NSL1: variants seen among roughly 807,000 people sequenced by gnomAD.
The protein encoded by NSL1 is kinetochore-associated protein NSL1 homolog.
NSL1 carries 11 observed loss-of-function variants against 25.4 expected under a neutral mutation model. The ratio of observed to expected loss-of-function variants is 0.43; its 90% CI spans 0.27 to 0.72. The LOEUF is 0.72. Ranked by LOEUF, NSL1 falls within the 30% of genes least tolerant of loss-of-function variation. The pLI, the probability that NSL1 is intolerant of heterozygous loss-of-function variation, is 0.19. For missense variants in NSL1, 330 were observed against 342.7 expected, an observed-to-expected ratio of 0.96 and a Z score of 0.29; for synonymous variants, 118 against 120.6, an observed-to-expected ratio of 0.98 and a Z score of 0.14.
chr1:212,726,918 A>G lies in NSL1; in HGVS notation c.*11490T>C. 4.5e-6 allele frequency: 2 copies of G among 441,440 alleles called. No homozygotes were observed. Among genetic ancestry groups the G allele is most frequent in the Non-Finnish European group, 7.9e-6 (2 of 251,724 alleles). The allele number at this position is 441,440 out of a possible 1,614,324, so 27.3% of individuals were successfully genotyped here. A position where few individuals can be genotyped will look rare whatever the true frequency, so the allele number is the denominator to read the frequency against. ...CCCTCCCTCTGATGGACACCAGCACAGCACGGACTTTCCCGTCCTGTCTCT... is the reference window on the plus strand; with the variant it reads ...CCCTCCCTCTGATGGACACCAGCACGGCACGGACTTTCCCGTCCTGTCTCT... On this transcript the variant is annotated 3_prime_UTR_variant, in exon 6 of 6. Coordinates refer to ENST00000366977, the MANE Select transcript of NSL1 (RefSeq NM_015471.4).
At position 212,784,588 on chromosome 1, in the gene NSL1, C is replaced by T. The variant is rs1660863893; in HGVS notation, c.314-95G>A. ...TGTGCTATAAACTAAATTTAGAAAACACAAAATAATGAAGGAAAACAAATA... is the reference window on the plus strand; with the variant it reads ...TGTGCTATAAACTAAATTTAGAAAATACAAAATAATGAAGGAAAACAAATA... On this transcript the variant is annotated intron_variant, in intron 2 of 5. Transcript: ENST00000366977. The T allele has an allele frequency of 5.7e-6, 4 of 698,356 alleles. No individual in the cohort carries two copies. The East Asian group carries it at 1.2e-4, about 22-fold the overall frequency. The allele number at this position is 698,356 out of a possible 1,614,324, so 43.3% of individuals were successfully genotyped here. A position where few individuals can be genotyped will look rare whatever the true frequency, so the allele number is the denominator to read the frequency against.
chr1:212,770,810 TG>T (rs1660070210), intron 4 of NSL1, among the ~76,000 whole-genome samples: 1 of 151,988 alleles, frequency 6.6e-6, no homozygotes, highest in Non-Finnish European at 1.5e-5. Context: ...ACTAGCAAAC[TG>T]AATTGAACAA....
chr1:212,790,937 A>T (rs1661205008), intron 1 of NSL1, among the ~76,000 whole-genome samples: 1 of 146,484 alleles, frequency 6.8e-6, no homozygotes, highest in Non-Finnish European at 1.5e-5. Context: ...AAAAAAAATA[A>T]AATAAAATAA....
In NSL1 at chr1:212,738,522, T is replaced by G. The variant is rs1371415515; in HGVS notation, c.732A>C (p.Thr244=). The G allele has an allele frequency of 1.2e-6, 2 of 1,614,202 alleles. No homozygotes were observed. Among genetic ancestry groups the G allele is most frequent in the South Asian group, 2.2e-5 (2 of 91,088 alleles). Reference sequence around the variant, plus strand: ...CAGAGGTTTTCCTGGAAGCAGTCTCTGTTGGTGTGGTTTCTATCTGTGTTA... The same window carrying G: ...CAGAGGTTTTCCTGGAAGCAGTCTCGGTTGGTGTGGTTTCTATCTGTGTTA... ...NFITQIETTP[T]ETASRKTSDM... is the part of the protein sequence containing the mutation. The change falls in exon 6 of 6, where the codon ACA becomes ACC. Residue 244 remains threonine (T), a synonymous_variant. Transcript: ENST00000366977.
chr1:212,738,565 G>C lies in NSL1; in HGVS notation c.689C>G (p.Ala230Gly). The C allele has an allele frequency of 6.2e-7, 1 of 1,614,116 alleles. No homozygotes were observed. The highest frequency in any genetic ancestry group is 8.5e-7 in the Non-Finnish European group (1 of 1,180,002). Reference sequence around the variant, plus strand: ...CTGTGTTATAAAGTTCTCAGGTTTAGCATCTGGTTTCCTATGACAACTGGA... The same window carrying C: ...CTGTGTTATAAAGTTCTCAGGTTTACCATCTGGTTTCCTATGACAACTGGA... Reference protein sequence around the residue: ...VFSSCHRKPDAKPENFITQIE... With the variant: ...VFSSCHRKPDGKPENFITQIE... Residue 230 changes from alanine (A) to glycine (G), a missense_variant, in exon 6 of 6, where the codon GCT (alanine) becomes GGT (glycine). Transcript: ENST00000366977.
At chr1:212,779,833 G>C (rs1270676808) in intron 4 of NSL1, among the ~76,000 whole-genome samples, 1 of 136,060 alleles carries the variant, frequency 7.3e-6, no homozygotes, top group African/African-American at 2.6e-5. Context: ...AGGGAGGTGG[G>C]GGGGTCAGCC....
chr1:212,787,250 T>G (rs1336646951), intron 2 of NSL1, among the ~76,000 whole-genome samples: 2 of 152,194 alleles, frequency 1.3e-5, no homozygotes, highest in African/African-American at 4.8e-5. Flanking sequence ...TAATAATAAC[T>G]TCACACTTTT....
intron 5 of NSL1, among the ~76,000 whole-genome samples, chr1:212,738,907 C>T (rs898348982): frequency 6.6e-6 from 1 of 152,016 alleles, no homozygotes; most frequent in Admixed American, 6.6e-5. Context: ...GGACTACAGG[C>T]GCGCACCACC....
At chr1:212,773,492 AC>A (rs1660218801) in intron 4 of NSL1, among the ~76,000 whole-genome samples, 1 of 152,216 alleles carries the variant, frequency 6.6e-6, no homozygotes, top group Non-Finnish European at 1.5e-5. Context: ...TTATCAACTT[AC>A]CCCAGTTAAG....
intron 4 of NSL1, among the ~76,000 whole-genome samples, chr1:212,764,802 C>A (rs1025442746): frequency 7.5e-5 from 9 of 119,714 alleles, no homozygotes; most frequent in Non-Finnish European, 1.4e-4. Flanking sequence ...GCCAAGATCA[C>A]ACCACTGCAC....
rs1036508953 is a variant in NSL1, at chr1:212,733,259, C to T, written c.*5149G>A. 2.6e-5 allele frequency among the ~76,000 whole-genome samples: 4 copies of T among 152,016 alleles called. No homozygotes were observed. Among genetic ancestry groups the T allele is most frequent in the Admixed American group, 2.6e-4 (4 of 15,254 alleles). ...TTGAGACCAGCCACATAGCGAAACT[C>T]CGTCTCTACAAAAAATACAAAAATT... On this transcript the variant is annotated 3_prime_UTR_variant, in exon 6 of 6. Coordinates refer to ENST00000366977, the MANE Select transcript of NSL1 (RefSeq NM_015471.4).
At chr1:212,743,454 C>T (rs1447443347) in intron 4 of NSL1, among the ~76,000 whole-genome samples, 7 of 149,274 alleles carry the variant, frequency 4.7e-5, no homozygotes, top group Non-Finnish European at 4.5e-5. Flanking sequence ...TGAACCACAG[C>T]GCCTGGCTTA....
chr1:212,785,956 T>C (rs1275318034), intron 2 of NSL1, among the ~76,000 whole-genome samples: 1 of 152,218 alleles, frequency 6.6e-6, no homozygotes, highest in Admixed American at 6.5e-5. Context: ...AGTCTTTCAT[T>C]CATGTCACAA....
intron 2 of NSL1, among the ~76,000 whole-genome samples, chr1:212,785,964 C>G (rs1294421581): frequency 6.6e-6 from 1 of 152,178 alleles, no homozygotes; most frequent in Admixed American, 6.5e-5. Context: ...ATTCATGTCA[C>G]AAATATTAAT....
rs1017487147 is a variant in NSL1 at position 212,730,133 on chromosome 1, C to T, written c.*8275G>A. ...AGCATGGTAGCACGCGCCTGTAATC[C>T]CAGCTACTCGGGAGGCTAAGGCATG... On this transcript the variant is annotated 3_prime_UTR_variant, in exon 6 of 6. Coordinates refer to ENST00000366977, the MANE Select transcript of NSL1 (RefSeq NM_015471.4). 3.6e-6 allele frequency: 3 copies of T among 837,866 alleles called. No homozygotes were observed. Among genetic ancestry groups the T allele is most frequent in the Non-Finnish European group, 4.3e-6 (3 of 698,148 alleles). 51.9% of individuals were successfully genotyped at this position (837,866 alleles called of 1,614,324 possible). A position where few individuals can be genotyped will look rare whatever the true frequency, so the allele number is the denominator to read the frequency against.
In NSL1 at chr1:212,728,719, G is replaced by A. The variant is rs1216819682; in HGVS notation, c.*9689C>T. 2 of 985,274 alleles carry A rather than the reference G, an allele frequency of 2.0e-6. No individual in the cohort carries two copies. Among genetic ancestry groups the A allele is most frequent in the Non-Finnish European group, 2.4e-6 (2 of 829,940 alleles). 61.0% of individuals were successfully genotyped at this position (985,274 alleles called of 1,614,324 possible). On this transcript the variant is annotated 3_prime_UTR_variant, in exon 6 of 6. Transcript: ENST00000366977. ...CTCTGGAGAATGGAACACCTTCACA[G>A]ACAACATCAGGGATAAACCTGATCA...
At chr1:212,749,352 T>G (rs1350765263) in intron 4 of NSL1, among the ~76,000 whole-genome samples, 2 of 145,050 alleles carry the variant, frequency 1.4e-5, no homozygotes, top group Non-Finnish European at 3.0e-5. Context: ...TTTTTTTTTT[T>G]TTTTTTTTTT....
rs1046028554 is a variant in NSL1 at position 212,731,363 on chromosome 1, C to T, written c.*7045G>A. 22 of 981,356 alleles carry T rather than the reference C, an allele frequency of 2.2e-5. No homozygotes were observed. The highest frequency in any genetic ancestry group is 9.4e-5 in the South Asian group (2 of 21,182). 60.8% of individuals were successfully genotyped at this position (981,356 alleles called of 1,614,324 possible). ...TTGAGCCCAGGAATTCAAGACCAGC[C>T]GGGGCAATATGGCGAGACCCCATCT... is the stretch of plus-strand genomic sequence containing the variant. On this transcript the variant is annotated 3_prime_UTR_variant, in exon 6 of 6. Coordinates refer to ENST00000366977, the MANE Select transcript of NSL1 (RefSeq NM_015471.4).
intron 4 of NSL1, among the ~76,000 whole-genome samples, chr1:212,764,781 G>T (rs1444043771): frequency 1.4e-5 from 2 of 140,292 alleles, no homozygotes; most frequent in Non-Finnish European, 3.0e-5. Context: ...GGGAGGCAGA[G>T]GTTGCAGTGA....
Sources: gnomAD v4.1 joint callset for allele counts (sites outside exome capture counted in the v4.1 genomes callset) on GRCh38, gnomAD v4.1.1 for gene constraint, MANE v1.5 for transcripts, NCBI Gene and HGNC (gene_info 2026-07-23, HGNC 2026-07-21) for gene names.